KCNAB1: variants seen among roughly 807,000 people sequenced by gnomAD.
The protein encoded by KCNAB1 is potassium voltage-gated channel subfamily A regulatory beta subunit 1, also known as voltage-gated potassium channel subunit beta-1.
A neutral mutation model predicts 64.6 loss-of-function variants in KCNAB1; 35 were observed. That is an observed-to-expected ratio of 0.54 (90% CI 0.41 to 0.72). The LOEUF (loss-of-function observed/expected upper bound fraction) is 0.72. Ranked by LOEUF, KCNAB1 falls within the 30% of genes least tolerant of loss-of-function variation. The pLI, the probability that KCNAB1 is intolerant of heterozygous loss-of-function variation, is 0.00. For missense variants in KCNAB1, 401 were observed against 512.9 expected (o/e 0.78, Z 2.11); for synonymous variants, 177 against 183.8 (o/e 0.96, Z 0.30).
chr3:156,193,528 A>C (rs1713699400), intron 1 of KCNAB1, among the ~76,000 whole-genome samples: 1 of 152,210 alleles, frequency 6.6e-6, no homozygotes, highest in Admixed American at 6.5e-5. Flanking sequence ...ATAAGGAAAG[A>C]GGTTTAATGA....
At chr3:156,119,823 A>G (rs1713237746), upstream of KCNAB1, among the ~76,000 whole-genome samples, 1 of 152,136 alleles carries the variant, frequency 6.6e-6, no homozygotes, top group African/African-American at 2.4e-5. Flanking sequence ...GTTTTCATGT[A>G]CACTGGGCAC....
At chr3:156,536,463 T>C in intron 13 of KCNAB1, 195 bp from the exon 14 acceptor site, 1 of 560,308 alleles carries the variant, frequency 1.8e-6, no homozygotes, top group South Asian at 2.2e-5. Flanking sequence ...TATGCCTTCA[T>C]TTATGCAGTC....
At chr3:156,374,811 A>G (rs1449089410) in intron 1 of KCNAB1, among the ~76,000 whole-genome samples, 2 of 135,952 alleles carry the variant, frequency 1.5e-5, no homozygotes, top group East Asian at 1.9e-4. Context: ...GGTATTAACA[A>G]TACCTACTGT....
chr3:156,429,889 G>A (rs924755949), intron 2 of KCNAB1, among the ~76,000 whole-genome samples: 2 of 152,170 alleles, frequency 1.3e-5, no homozygotes, highest in Non-Finnish European at 2.9e-5. Flanking sequence ...TACCCATAGA[G>A]TTTAAATGGT....
At chr3:156,520,210 T>A (rs1342486827) in intron 11 of KCNAB1, among the ~76,000 whole-genome samples, 1 of 152,204 alleles carries the variant, frequency 6.6e-6, no homozygotes, top group African/African-American at 2.4e-5. Context: ...AGACCAGGTG[T>A]ATAGCTTCTA....
intron 1 of KCNAB1, among the ~76,000 whole-genome samples, chr3:156,390,617 C>G (rs1712969077): frequency 6.6e-6 from 1 of 151,932 alleles, no homozygotes; most frequent in Non-Finnish European, 1.5e-5. Flanking sequence ...GAGTCTCGCT[C>G]TGTTGCCCAG....
chr3:156,166,251 G>T (rs1457493997), intron 1 of KCNAB1, among the ~76,000 whole-genome samples: 2 of 152,220 alleles, frequency 1.3e-5, no homozygotes, highest in Non-Finnish European at 2.9e-5. Context: ...ATGAGGCAGA[G>T]ATGAGGCAGC....
At chr3:156,159,094 C>G (rs905422906) in intron 1 of KCNAB1, among the ~76,000 whole-genome samples, 5 of 152,030 alleles carry the variant, frequency 3.3e-5, no homozygotes, top group Non-Finnish European at 7.4e-5. Flanking sequence ...ATAATTGAGT[C>G]TGGAGGGCAC....
At chr3:156,440,141 T>C (rs1716891050) in intron 2 of KCNAB1, among the ~76,000 whole-genome samples, 1 of 152,234 alleles carries the variant, frequency 6.6e-6, no homozygotes, top group African/African-American at 2.4e-5. Context: ...GTATAGTCTC[T>C]GGGGATACAG....
intron 7 of KCNAB1, among the ~76,000 whole-genome samples, chr3:156,471,508 G>A (rs1221729565): frequency 1.3e-5 from 2 of 152,194 alleles, no homozygotes; most frequent in East Asian, 1.9e-4. Context: ...TTCCACAGAC[G>A]CTGGGTTAGT....
In KCNAB1 at chr3:156,536,793, G is replaced by A. The variant is rs1254705820; in HGVS notation, c.*46G>A. 2 of 1,329,578 alleles carry A rather than the reference G, an allele frequency of 1.5e-6. No homozygotes were observed. Among genetic ancestry groups the A allele is most frequent in the Admixed American group, 3.4e-5 (2 of 59,588 alleles). The allele number at this position is 1,329,578 out of a possible 1,614,324, so 82.4% of individuals were successfully genotyped here. On this transcript the variant is annotated 3_prime_UTR_variant, in exon 14 of 14. Transcript: ENST00000490337. ...AGCTGCATGGTTAAAATAGCGGCCT[G>A]TGCCCAGTACAGAAAGGTGTTACTA...
chr3:156,227,882 C>T (rs1716283530), intron 1 of KCNAB1: 3 of 152,238 alleles, frequency 2.0e-5, no homozygotes, highest in Admixed American at 2.0e-4. Flanking sequence ...CCTCCTCCAG[C>T]CCTTTCTGCC....
chr3:156,312,333 A>C (rs529256797), intron 1 of KCNAB1, among the ~76,000 whole-genome samples: 1 of 152,362 alleles, frequency 6.6e-6, no homozygotes, highest in African/African-American at 2.4e-5. Context: ...GGTTTTAAAT[A>C]GCGTGAAAAG....
intron 8 of KCNAB1, among the ~76,000 whole-genome samples, chr3:156,501,154 G>C (rs1716373340): frequency 6.6e-6 from 1 of 152,162 alleles, no homozygotes. Flanking sequence ...TCCATAGTCA[G>C]CTTCCATTCT....
intron 8 of KCNAB1, among the ~76,000 whole-genome samples, chr3:156,509,321 A>G (rs1430278228): frequency 6.6e-6 from 1 of 152,084 alleles, no homozygotes; most frequent in East Asian, 1.9e-4. Context: ...AGACTTTGTA[A>G]TTTACTAAGT....
intron 1 of KCNAB1, among the ~76,000 whole-genome samples, chr3:156,242,023 T>G (rs1360479535): frequency 6.6e-6 from 1 of 152,150 alleles, no homozygotes; most frequent in Non-Finnish European, 1.5e-5. Context: ...ACCCTCCTAT[T>G]TGGCCTGTTG....
chr3:156,381,150 C>G (rs111425646), intron 1 of KCNAB1, among the ~76,000 whole-genome samples: 3 of 152,102 alleles, frequency 2.0e-5, no homozygotes, highest in African/African-American at 7.2e-5. Flanking sequence ...ACCAAAAAAG[C>G]GCCCAAAGAG....
chr3:156,124,419 G>A (rs1560097455), intron 1 of KCNAB1, among the ~76,000 whole-genome samples: 1 of 151,872 alleles, frequency 6.6e-6, no homozygotes, highest in Non-Finnish European at 1.5e-5. Context: ...GTTTCACCAT[G>A]TTGGCCAGGC....
intron 3 of KCNAB1, chr3:156,456,949 A>C: frequency 6.5e-6 from 1 of 153,994 alleles, no homozygotes; most frequent in Non-Finnish European, 1.4e-5. Context: ...CTGCTCTACA[A>C]TGGCGCCTGA....
Sources: gnomAD v4.1 joint callset for allele counts (sites outside exome capture counted in the v4.1 genomes callset) on GRCh38, gnomAD v4.1.1 for gene constraint, MANE v1.5 for transcripts, NCBI Gene and HGNC (gene_info 2026-07-23, HGNC 2026-07-21) for gene names.